The following KBTBD7 variants were observed in gnomAD, a reference collection of about 807,000 sequenced individuals.
KBTBD7 encodes the protein kelch repeat and BTB domain-containing protein 7.
A neutral mutation model predicts 50.3 loss-of-function variants in KBTBD7; 25 were observed. That is an observed-to-expected ratio of 0.50 (90% CI 0.36 to 0.69). The LOEUF is 0.69. Among genes scored for constraint, KBTBD7 ranks in the 30% least tolerant of loss-of-function variants. The probability of loss-of-function intolerance (pLI) is 0.00; values close to 1 mark genes in which losing one functional copy is unlikely to be tolerated. For missense variants in KBTBD7, 653 were observed against 869.5 expected (o/e 0.75, Z 3.13); for synonymous variants, 305 against 325.3 (o/e 0.94, Z 0.67).
rs768228188 is a variant in KBTBD7, at chr13:41,193,660, A to C, written c.598T>G (p.Phe200Val). The C allele has an allele frequency of 6.2e-7, 1 of 1,614,184 alleles. No homozygotes were observed. Among genetic ancestry groups the C allele is most frequent in the Non-Finnish European group, 8.5e-7 (1 of 1,180,032 alleles). ...GAACCCATTCGGCTGAGCTGCTTGA[A>C]GTTGTGAGCTATGTAGGACTGGGCC... ...SQAQSYIAHN[F>V]KQLSRMGSIR... The change falls in exon 1 of 1, where the codon TTC (phenylalanine) becomes GTC (valine). Residue 200 changes from phenylalanine to valine, a missense_variant. Phe to Val is a conservative substitution (Grantham distance 50). Coordinates refer to ENST00000379483, the MANE Select transcript of KBTBD7 (RefSeq NM_032138.7). This position sits in a 1 kb window ranked among gnomAD's most constrained non-coding sequence, Gnocchi z 5.7.
Position 41,191,985 on chromosome 13 carries a change from AG to A in KBTBD7, c.*217del, listed in dbSNP as rs1240458830. The stretch of plus-strand genomic sequence containing the variant: ...TACCAAGCATCCTAATCAATTATAT[AG>A]TTCTTGCTTCCATATTTTAATTCTG... On this transcript the variant is annotated 3_prime_UTR_variant, in exon 1 of 1. Coordinates refer to ENST00000379483, the MANE Select transcript of KBTBD7 (RefSeq NM_032138.7). The A allele has an allele frequency of 4.2e-6, 2 of 474,372 alleles. No individual in the cohort carries two copies. Among genetic ancestry groups the A allele is most frequent in the Non-Finnish European group, 7.4e-6 (2 of 269,600 alleles). The allele number at this position is 474,372 out of a possible 1,614,324, so 29.4% of individuals were successfully genotyped here.
Position 41,191,333 on chromosome 13 carries a change from T to A in KBTBD7, c.*870A>T, listed in dbSNP as rs559767834. On this transcript the variant is annotated 3_prime_UTR_variant, in exon 1 of 1. Coordinates refer to ENST00000379483, the MANE Select transcript of KBTBD7 (RefSeq NM_032138.7). Reference sequence around the variant, plus strand: ...TATGTCCAGGAATTGTTCCTCTGAGTCAGTAAAGCATGTATTGGGCATAAA... The same window carrying A: ...TATGTCCAGGAATTGTTCCTCTGAGACAGTAAAGCATGTATTGGGCATAAA... 8 of 150,842 alleles carry A rather than the reference T, an allele frequency of 5.3e-5. No homozygotes were observed. Among genetic ancestry groups the A allele is most frequent in the African/African-American group, 1.5e-4 (6 of 41,200 alleles). 9.3% of individuals were successfully genotyped at this position (150,842 alleles called of 1,614,324 possible). A position where few individuals can be genotyped will look rare whatever the true frequency, so the allele number is the denominator to read the frequency against.
Position 41,192,629 on chromosome 13 carries a change from T to A in KBTBD7, c.1629A>T (p.Glu543Asp). ...VMKVYNPARG[E>D]WRRISNIPLD... ...AAGGAATATTACTAATCCGCCTCCATTCTCCCCTAGCTGGGTTGTAGACCT... is the reference window on the plus strand; with the variant it reads ...AAGGAATATTACTAATCCGCCTCCAATCTCCCCTAGCTGGGTTGTAGACCT... The change falls in exon 1 of 1, where the codon GAA becomes GAT. Residue 543 changes from glutamate (E) to aspartate (D), a missense_variant. By Grantham distance (45) the Glu-to-Asp change is conservative. Around this residue, in one of 3 missense-constraint regions of KBTBD7, gnomAD observed 526 missense variants for 717.1 expected, o/e 0.73. Transcript: ENST00000379483. The A allele has an allele frequency of 3.1e-6, 5 of 1,614,160 alleles. No homozygotes were observed. The highest frequency in any genetic ancestry group is 4.2e-6 in the Non-Finnish European group (5 of 1,180,018).
At position 41,191,001 on chromosome 13, in the gene KBTBD7, A is replaced by G. The variant is rs2031369559; in HGVS notation, c.*1202T>C. 6.6e-6 allele frequency: 1 copy of G among 152,216 alleles called. No individual in the cohort carries two copies. Among genetic ancestry groups the G allele is most frequent in the African/African-American group, 2.4e-5 (1 of 41,474 alleles). 9.4% of individuals were successfully genotyped at this position (152,216 alleles called of 1,614,324 possible). A position where few individuals can be genotyped will look rare whatever the true frequency, so the allele number is the denominator to read the frequency against. On this transcript the variant is annotated 3_prime_UTR_variant, in exon 1 of 1. Coordinates refer to ENST00000379483, the MANE Select transcript of KBTBD7 (RefSeq NM_032138.7). ...TTCACAATGACTTACAAAATGGACA[A>G]TATTCCAATGCTACACAAAACGGTT...
rs1163406703 is a variant in KBTBD7, at chr13:41,192,421, A to C, written c.1837T>G (p.Cys613Gly). 1.2e-6 allele frequency: 2 copies of C among 1,614,224 alleles called. No individual in the cohort carries two copies. ...GAAGGATAAACACGAGCACAAAGGC[A>C]AATAAAGCCAGAGTCAAACTGCAAA... is the stretch of plus-strand genomic sequence containing the variant. ...GLLQFDSGFI[C>G]LCARVYPSCL... Residue 613 changes from cysteine (C) to glycine (G), a missense_variant, in exon 1 of 1, where the codon TGC (cysteine) becomes GGC (glycine). Physicochemically the swap from Cys to Gly is radical, Grantham distance 159. Around this residue, in one of 3 missense-constraint regions of KBTBD7, gnomAD observed 526 missense variants for 717.1 expected, o/e 0.73. Coordinates refer to ENST00000379483, the MANE Select transcript of KBTBD7 (RefSeq NM_032138.7).
At position 41,194,352 on chromosome 13, in the gene KBTBD7, G is replaced by A. The variant is rs931959880; in HGVS notation, c.-95C>T. On this transcript the variant is annotated 5_prime_UTR_variant, in exon 1 of 1. Transcript: ENST00000379483. ...TCCCTCGCTGACGCTAAGACAAGCC[G>A]CGTCCTGGAACAGACTGCGGCACGG... is the stretch of plus-strand genomic sequence containing the variant. 2.0e-6 allele frequency: 3 copies of A among 1,497,434 alleles called. No individual in the cohort carries two copies. The highest frequency in any genetic ancestry group is 2.7e-6 in the Non-Finnish European group (3 of 1,114,096). 92.8% of individuals were successfully genotyped at this position (1,497,434 alleles called of 1,614,324 possible).
rs1452236842 is a variant in KBTBD7 at position 41,194,241 on chromosome 13, T to A, written c.17A>T (p.Asp6Val). 6.2e-7 allele frequency: 1 copy of A among 1,613,816 alleles called. No individual in the cohort carries two copies. Among genetic ancestry groups the A allele is most frequent in the Non-Finnish European group, 8.5e-7 (1 of 1,179,986 alleles). Reference protein sequence around the residue: MQSREDVPRSRRLASP... With the variant: MQSREVVPRSRRLASP... ...GGCGAGGCGGCGAGAGCGCGGGACG[T>A]CTTCCCGGGACTGCATGGTGGAGAT... Residue 6 changes from aspartate to valine, a missense_variant, in exon 1 of 1, where the codon GAC becomes GTC. Transcript: ENST00000379483.
In KBTBD7 at chr13:41,192,830, G is replaced by A. The variant is rs1284157643; in HGVS notation, c.1428C>T (p.Ser476=). 1 of 1,614,088 alleles carries A rather than the reference G, an allele frequency of 6.2e-7. No individual in the cohort carries two copies. Among genetic ancestry groups the A allele is most frequent in the Non-Finnish European group, 8.5e-7 (1 of 1,180,046 alleles). ...LVAPVPHSFY[S]FELIVVQNYL... ...AGTTCTGAACCACTATGAGTTCAAA[G>A]GAATAGAAGGAATGAGGGACAGGAG... is the stretch of plus-strand genomic sequence containing the variant. Residue 476 remains serine, a synonymous_variant, in exon 1 of 1, where the codon TCC becomes TCT. Transcript: ENST00000379483.
Position 41,194,525 on chromosome 13 carries a change from C to T in KBTBD7, c.-268G>A, listed in dbSNP as rs930860211. 5.6e-6 allele frequency: 3 copies of T among 538,676 alleles called. No homozygotes were observed. The highest frequency in any genetic ancestry group is 2.6e-5 in the South Asian group (1 of 38,484). The allele number at this position is 538,676 out of a possible 1,614,324, so 33.4% of individuals were successfully genotyped here. A position where few individuals can be genotyped will look rare whatever the true frequency, so the allele number is the denominator to read the frequency against. On this transcript the variant is annotated 5_prime_UTR_variant, in exon 1 of 1. Coordinates refer to ENST00000379483, the MANE Select transcript of KBTBD7 (RefSeq NM_032138.7). ...CGCTGGCTTGCAGCCGCGGAAGCCC[C>T]CACTGCCGCGCTGGCGATCCCGCTA...
At position 41,194,081 on chromosome 13, in the gene KBTBD7, CGCGTCGTAGAAGGACTTGA is replaced by C; in HGVS notation, c.158_176del (p.Leu53ArgfsTer7). On this transcript the variant is annotated frameshift_variant, in exon 1 of 1. Transcript: ENST00000379483. LOFTEE classifies it high-confidence loss of function. ...CGATGGTCACATCACACAGCAGCCGCGCGTCGTAGAAGGACTTGAGCTGTGCCAGCAGGGCTGCAGAATG... is the reference window on the plus strand; with the variant it reads ...CGATGGTCACATCACACAGCAGCCGCGCTGTGCCAGCAGGGCTGCAGAATG... 1 of 1,614,210 alleles carries C rather than the reference CGCGTCGTAGAAGGACTTGA, an allele frequency of 6.2e-7. No homozygotes were observed. Among genetic ancestry groups the C allele is most frequent in the Non-Finnish European group, 8.5e-7 (1 of 1,180,048 alleles).
rs776656974 is a variant in KBTBD7 at position 41,194,180 on chromosome 13, G to C, written c.78C>G (p.Ser26=). ...PRGGRRPKRI[S]KPSVSAFFTG... ...TGAAAAAGGCCGAAACCGAGGGCTT[G>C]GAAATCCTCTTGGGCCGCCTCCCAC... Residue 26 remains serine, a synonymous_variant, in exon 1 of 1, where the codon TCC becomes TCG. Transcript: ENST00000379483. 23 of 1,614,114 alleles carry C rather than the reference G, an allele frequency of 1.4e-5. No homozygotes were observed. Among genetic ancestry groups the C allele is most frequent in the Non-Finnish European group, 1.9e-5 (23 of 1,180,052 alleles).
In KBTBD7 at chr13:41,193,143, G is replaced by A. The variant is rs1227995883; in HGVS notation, c.1115C>T (p.Pro372Leu). ...YSGDIYTMPS[P>L]LTSFAHTKTV... ...CTTAGTGTGAGCAAAGCTGGTCAAA[G>A]GGGATGGCATTGTGTAAATGTCCCC... is the stretch of plus-strand genomic sequence containing the variant. Residue 372 changes from proline to leucine, a missense_variant, in exon 1 of 1, where the codon CCT (proline) becomes CTT (leucine). Coordinates refer to ENST00000379483, the MANE Select transcript of KBTBD7 (RefSeq NM_032138.7). The surrounding 1 kb of genome is among the most constrained non-coding windows in gnomAD (Gnocchi z 5.7). 6.2e-7 allele frequency: 1 copy of A among 1,614,222 alleles called. No individual in the cohort carries two copies. Among genetic ancestry groups the A allele is most frequent in the Non-Finnish European group, 8.5e-7 (1 of 1,180,030 alleles).
rs1050986422 is a variant in KBTBD7 at position 41,190,033 on chromosome 13, A to G, written c.*2170T>C. 9 of 152,192 alleles carry G rather than the reference A, an allele frequency of 5.9e-5. No homozygotes were observed. The highest frequency in any genetic ancestry group is 2.2e-4 in the African/African-American group (9 of 41,456). 9.4% of individuals were successfully genotyped at this position (152,192 alleles called of 1,614,324 possible). On this transcript the variant is annotated 3_prime_UTR_variant, in exon 1 of 1. Transcript: ENST00000379483. ...AAGGTTAAGAACTCAAAGGTTGAGA[A>G]AGACAAACTGGAGCATTTGTCTTTT...
Position 41,192,222 on chromosome 13 carries a change from TC to T in KBTBD7, c.2035del (p.Asp679IlefsTer8). On this transcript the variant is annotated frameshift_variant, in exon 1 of 1. Transcript: ENST00000379483. LOFTEE classifies it high-confidence loss of function. Reference sequence around the variant, plus strand: ...TACTATTTACAAAGAACCCTGCTGATCCTGTGCATTTCGCTGAGGTGCTACT... The same window carrying T: ...TACTATTTACAAAGAACCCTGCTGATCTGTGCATTTCGCTGAGGTGCTACT... Reference protein sequence around the residue: ...VQVAPQRNAQDQQGSL With the variant: ...VQVAPQRNAQXQQGSL The T allele has an allele frequency of 6.2e-7, 1 of 1,613,460 alleles. No individual in the cohort carries two copies. Among genetic ancestry groups the T allele is most frequent in the East Asian group, 2.2e-5 (1 of 44,870 alleles).
Position 41,191,592 on chromosome 13 carries a change from AG to A in KBTBD7, c.*610del, listed in dbSNP as rs2031390238. ...TTTTTTTACTTTCTGTGAGCTTATG[AG>A]GCCATTCTGCACATTATCAAAATGA... On this transcript the variant is annotated 3_prime_UTR_variant, in exon 1 of 1. Transcript: ENST00000379483. 1 of 126,884 alleles carries A rather than the reference AG, an allele frequency of 7.9e-6. No homozygotes were observed. The highest frequency in any genetic ancestry group is 2.9e-5 in the African/African-American group (1 of 34,578). The allele number at this position is 126,884 out of a possible 1,614,324, so 7.9% of individuals were successfully genotyped here.
chr13:41,194,350 C>T lies in KBTBD7; in HGVS notation c.-93G>A. The T allele has an allele frequency of 6.7e-7, 1 of 1,503,254 alleles. No individual in the cohort carries two copies. Among genetic ancestry groups the T allele is most frequent in the South Asian group, 1.3e-5 (1 of 77,282 alleles). The allele number at this position is 1,503,254 out of a possible 1,614,324, so 93.1% of individuals were successfully genotyped here. A position where few individuals can be genotyped will look rare whatever the true frequency, so the allele number is the denominator to read the frequency against. ...CTTCCCTCGCTGACGCTAAGACAAG[C>T]CGCGTCCTGGAACAGACTGCGGCAC... On this transcript the variant is annotated 5_prime_UTR_variant, in exon 1 of 1. Transcript: ENST00000379483.
In KBTBD7 at chr13:41,192,974, C is replaced by G. The variant is rs2031430550; in HGVS notation, c.1284G>C (p.Met428Ile). 1.9e-6 allele frequency: 3 copies of G among 1,614,088 alleles called. No homozygotes were observed. The highest frequency in any genetic ancestry group is 1.1e-5 in the South Asian group (1 of 91,088). The change falls in exon 1 of 1, where the codon ATG (methionine) becomes ATC (isoleucine). Residue 428 changes from methionine to isoleucine, a missense_variant. By Grantham distance (10) the Met-to-Ile change is conservative. Around this residue, in one of 3 missense-constraint regions of KBTBD7, gnomAD observed 526 missense variants for 717.1 expected, o/e 0.73. Transcript: ENST00000379483. Reference sequence around the variant, plus strand: ...TGTAGCCATTGAGATATGCCACATCCATGCCCTCACGACACAGCAAGCGAT... The same window carrying G: ...TGTAGCCATTGAGATATGCCACATCGATGCCCTCACGACACAGCAAGCGAT... ...LADRLLCREG[M>I]DVAYLNGYIY...
Position 41,192,514 on chromosome 13 carries a change from G to A in KBTBD7, c.1744C>T (p.Arg582Ter), listed in dbSNP as rs746669542. Residue 582 changes from arginine (R) to a stop codon, truncating the protein, a stop_gained, in exon 1 of 1, where the codon CGA (arginine) becomes TGA (stop). Coordinates refer to ENST00000379483, the MANE Select transcript of KBTBD7 (RefSeq NM_032138.7). LOFTEE classifies it high-confidence loss of function. ...GTATCATACTCATACACTGTCACTC[G>A]GTTCTTTTTCCATTGTGGGGTTGTA... ...TSTTPQWKKNRVTVYEYDTRE... is the reference protein window; with the variant it reads ...TSTTPQWKKN The A allele has an allele frequency of 5.6e-6, 9 of 1,614,114 alleles. No individual in the cohort carries two copies. The highest frequency in any genetic ancestry group is 7.6e-6 in the Non-Finnish European group (9 of 1,179,996).
At position 41,193,790 on chromosome 13, in the gene KBTBD7, C is replaced by T. The variant is rs1566247873; in HGVS notation, c.468G>A (p.Val156=). Residue 156 remains valine, a synonymous_variant, in exon 1 of 1, where the codon GTG becomes GTA. Transcript: ENST00000379483. The surrounding 1 kb of genome is among the most constrained non-coding windows in gnomAD (Gnocchi z 5.7). ...AASDMLQLEY[V]REACASFLAR... is the part of the protein sequence containing the mutation. ...CTAAGAAGGAGGCACAGGCTTCCCGCACATATTCCAGCTGTAGCATGTCGG... is the reference window on the plus strand; with the variant it reads ...CTAAGAAGGAGGCACAGGCTTCCCGTACATATTCCAGCTGTAGCATGTCGG... 1 of 1,614,254 alleles carries T rather than the reference C, an allele frequency of 6.2e-7. No homozygotes were observed. Among genetic ancestry groups the T allele is most frequent in the Non-Finnish European group, 8.5e-7 (1 of 1,180,054 alleles).
Sources: gnomAD v4.1 joint callset for allele counts on GRCh38, gnomAD v4.1.1 for gene constraint, gnomAD v4.1.1 regional missense constraint, Gnocchi (gnomAD v3.1) non-coding constraint, MANE v1.5 for transcripts, NCBI Gene and HGNC (gene_info 2026-07-23, HGNC 2026-07-21) for gene names.